NENF: variants seen among roughly 807,000 people sequenced by gnomAD.
NENF encodes the protein neudesin.
NENF carries 6 observed loss-of-function variants against 14.8 expected under a neutral mutation model. That is an observed-to-expected ratio of 0.40 (90% CI 0.22 to 0.80). The LOEUF is 0.80. Among genes scored for constraint, NENF ranks in the 30% least tolerant of loss-of-function variants. The pLI is 0.34. For synonymous variants in NENF, 76 were observed against 95.1 expected (o/e 0.80, Z 1.17); for missense variants, 184 against 212.7 (o/e 0.87, Z 0.84).
intron 2 of NENF, among the ~76,000 whole-genome samples, chr1:212,443,018 G>T (rs559410264): frequency 3.7e-4 from 57 of 152,268 alleles, no homozygotes; most frequent in Non-Finnish European, 5.3e-4. Context: ...TAGTATTACA[G>T]GTGTGAGCCA....
At chr1:212,441,935 A>T (rs531978452) in intron 1 of NENF, among the ~76,000 whole-genome samples, 108 of 152,370 alleles carry the variant, frequency 7.1e-4, no homozygotes, top group Non-Finnish European at 1.3e-3. Flanking sequence ...GATGAAGAGG[A>T]AAGGAAATTT....
chr1:212,441,583 G>A (rs563013956), intron 1 of NENF, among the ~76,000 whole-genome samples: 2 of 152,168 alleles, frequency 1.3e-5, no homozygotes, highest in East Asian at 1.9e-4. Context: ...TCAGGAGTTC[G>A]AGACCAGCCT....
intron 1 of NENF, among the ~76,000 whole-genome samples, chr1:212,440,217 A>C (rs919626933): frequency 7.3e-6 from 1 of 137,618 alleles, no homozygotes; most frequent in African/African-American, 2.8e-5. Flanking sequence ...GTACCACTGC[A>C]CTCCAGTCTG....
At position 212,446,198 on chromosome 1, in the gene NENF, G is replaced by A; in HGVS notation, c.*192G>A. 1 of 585,016 alleles carries A rather than the reference G, an allele frequency of 1.7e-6. No individual in the cohort carries two copies. The highest frequency in any genetic ancestry group is 2.9e-5 in the East Asian group (1 of 34,986). The allele number at this position is 585,016 out of a possible 1,614,324, so 36.2% of individuals were successfully genotyped here. On this transcript the variant is annotated 3_prime_UTR_variant, in exon 4 of 4. Transcript: ENST00000366988. ...TCTGTCTACCTGGGGACCCCTGTCT[G>A]CACACCAGGGATCAATAAGAGCCAA... is the stretch of plus-strand genomic sequence containing the variant.
In NENF at chr1:212,444,308, G is replaced by C. The variant is rs201049372; in HGVS notation, c.239-31G>C. 3.4e-6 allele frequency: 5 copies of C among 1,491,232 alleles called. No individual in the cohort carries two copies. In the African/African-American group the frequency reaches 7.0e-5, roughly 21 times the overall value. The allele number at this position is 1,491,232 out of a possible 1,614,324, so 92.4% of individuals were successfully genotyped here. On this transcript the variant is annotated intron_variant, in intron 2 of 3. Transcript: ENST00000366988. ...CTGGTTACTCTGCATGTAAACCCAC[G>C]CTTACGTCTCTTCCTTCCTTCCCAC...
chr1:212,445,730 A>G, intron 3 of NENF, 100 bp from the exon 4 acceptor site: 2 of 1,066,658 alleles, frequency 1.9e-6, no homozygotes, highest in Admixed American at 2.3e-5. Context: ...TTTCTCTTGC[A>G]TTAGGGATGT....
chr1:212,446,298 T>A lies in NENF; in HGVS notation c.*292T>A, dbSNP rs1336073327. On this transcript the variant is annotated 3_prime_UTR_variant, in exon 4 of 4. Transcript: ENST00000366988. ...TTGAGCGACCTTTACTTTATACTTT[T>A]CTGTGCTTGACAGATTTTCAGCCAT... The A allele has an allele frequency of 3.1e-6, 1 of 324,412 alleles. No individual in the cohort carries two copies. The highest frequency in any genetic ancestry group is 5.6e-6 in the Non-Finnish European group (1 of 177,250). 20.1% of individuals were successfully genotyped at this position (324,412 alleles called of 1,614,324 possible).
intron 1 of NENF, among the ~76,000 whole-genome samples, chr1:212,439,378 C>CA (rs34201751): frequency 0.38 from 50,982 of 135,626 alleles, 9,510 homozygotes; most frequent in East Asian, 0.54. Flanking sequence ...ACTAAAAATA[C>CA]AAAAAAAAAA....
intron 1 of NENF, among the ~76,000 whole-genome samples, chr1:212,439,312 C>G (rs1662662073): frequency 6.6e-6 from 1 of 151,590 alleles, no homozygotes; most frequent in African/African-American, 2.4e-5. Flanking sequence ...GCGGGTAGAT[C>G]ACCTCACGTT....
At chr1:212,443,541 C>T (rs576060877) in intron 2 of NENF, among the ~76,000 whole-genome samples, 70 of 152,050 alleles carry the variant, frequency 4.6e-4, no homozygotes, top group African/African-American at 1.4e-3. Flanking sequence ...TACAGGTGCA[C>T]GCCACCATGC....
At chr1:212,444,191 A>G in intron 2 of NENF, 148 bp from the exon 3 acceptor site, 1 of 452,930 alleles carries the variant, frequency 2.2e-6, no homozygotes, top group Non-Finnish European at 3.9e-6. Flanking sequence ...GGCTTACTGG[A>G]CTTTGTATCG....
chr1:212,444,356 GC>G lies in NENF; in HGVS notation c.261del (p.Tyr88ThrfsTer4). The G allele has an allele frequency of 6.2e-7, 1 of 1,602,996 alleles. No homozygotes were observed. Among genetic ancestry groups the G allele is most frequent in the Non-Finnish European group, 8.5e-7 (1 of 1,173,592 alleles). On this transcript the variant is annotated frameshift_variant, in exon 3 of 4. Coordinates refer to ENST00000366988, the MANE Select transcript of NENF (RefSeq NM_013349.5). LOFTEE classifies it high-confidence loss of function. ...CACTACAGAGTTTTATGGACGAGGA[GC>G]CCCCTACAATGCCTTGACGGGGAAG... ...TSGKEFYGRG[A>X]PYNALTGKDS...
Position 212,433,086 on chromosome 1 carries a change from C to T in NENF, c.143C>T (p.Thr48Ile). 1 of 1,197,396 alleles carries T rather than the reference C, an allele frequency of 8.4e-7. No homozygotes were observed. Among genetic ancestry groups the T allele is most frequent in the Non-Finnish European group, 1.0e-6 (1 of 965,280 alleles). 74.2% of individuals were successfully genotyped at this position (1,197,396 alleles called of 1,614,324 possible). The change falls in exon 1 of 4, where the codon ACC (threonine) becomes ATC (isoleucine). Residue 48 changes from threonine to isoleucine, a missense_variant. Transcript: ENST00000366988. The surrounding 1 kb of genome is among the most constrained non-coding windows in gnomAD (Gnocchi z 5.5). ...CGGGGGCCCCCAGTGCGGCTTTTCACCGAGGAGGAGCTGGCCCGCTATGGC... is the reference window on the plus strand; with the variant it reads ...CGGGGGCCCCCAGTGCGGCTTTTCATCGAGGAGGAGCTGGCCCGCTATGGC... The part of the protein sequence containing the change: ...AERGPPVRLF[T>I]EEELARYGGE...
chr1:212,446,151 C>A lies in NENF; in HGVS notation c.*145C>A. 1.3e-6 allele frequency: 1 copy of A among 764,010 alleles called. No homozygotes were observed. Among genetic ancestry groups the A allele is most frequent in the East Asian group, 2.7e-5 (1 of 36,922 alleles). The allele number at this position is 764,010 out of a possible 1,614,324, so 47.3% of individuals were successfully genotyped here. On this transcript the variant is annotated 3_prime_UTR_variant, in exon 4 of 4. Coordinates refer to ENST00000366988, the MANE Select transcript of NENF (RefSeq NM_013349.5). ...GCTTACCCTGGAAGAGCAAATGCCTCCTGTTGTCCTTGGTCAGGGGTTCTG... is the reference window on the plus strand; with the variant it reads ...GCTTACCCTGGAAGAGCAAATGCCTACTGTTGTCCTTGGTCAGGGGTTCTG...
In NENF at chr1:212,438,818, T is replaced by C. The variant is rs571515689; in HGVS notation, c.178-3747T>C. The stretch of plus-strand genomic sequence containing the variant: ...TTTTAGTAGAGACAGGTTTTCACCA[T>C]GTTGGCCAGGCTGGTCTCAAACTCC... On this transcript the variant is annotated intron_variant, in intron 1 of 3. Coordinates refer to ENST00000366988, the MANE Select transcript of NENF (RefSeq NM_013349.5). Among the ~76,000 whole-genome samples, 4 of 152,206 alleles carry C rather than the reference T, an allele frequency of 2.6e-5. No homozygotes were observed. In the South Asian group the frequency reaches 8.3e-4, roughly 32 times the overall value.
At chr1:212,435,304 C>T (rs567396618) in intron 1 of NENF, among the ~76,000 whole-genome samples, 5 of 152,274 alleles carry the variant, frequency 3.3e-5, no homozygotes, top group South Asian at 4.1e-4. Flanking sequence ...CACAGGAGTT[C>T]GGGGTACTGA....
chr1:212,444,520 T>C (rs1662748142), intron 3 of NENF, 78 bp downstream of exon 3: 2 of 41,448 alleles, frequency 4.8e-5, no homozygotes, highest in Non-Finnish European at 9.4e-5. Flanking sequence ...TTTCTTTTCG[T>C]GTGTGTGTGT....
In NENF at chr1:212,446,290, T is replaced by C. The variant is rs1207362182; in HGVS notation, c.*284T>C. 16 of 351,424 alleles carry C rather than the reference T, an allele frequency of 4.6e-5. No individual in the cohort carries two copies. Among genetic ancestry groups the C allele is most frequent in the Non-Finnish European group, 6.2e-5 (12 of 193,718 alleles). 21.8% of individuals were successfully genotyped at this position (351,424 alleles called of 1,614,324 possible). On this transcript the variant is annotated 3_prime_UTR_variant, in exon 4 of 4. Coordinates refer to ENST00000366988, the MANE Select transcript of NENF (RefSeq NM_013349.5). ...GTGGAATTTTGAGCGACCTTTACTT[T>C]ATACTTTTCTGTGCTTGACAGATTT... is the stretch of plus-strand genomic sequence containing the variant.
intron 1 of NENF, among the ~76,000 whole-genome samples, chr1:212,441,207 G>T (rs1269252955): frequency 6.6e-6 from 1 of 152,184 alleles, no homozygotes; most frequent in African/African-American, 2.4e-5. Context: ...CACTATAAAT[G>T]TTGTTACAGG....
Sources: gnomAD v4.1 joint callset for allele counts (sites outside exome capture counted in the v4.1 genomes callset) on GRCh38, gnomAD v4.1.1 for gene constraint, Gnocchi (gnomAD v3.1) non-coding constraint, MANE v1.5 for transcripts, NCBI Gene and HGNC (gene_info 2026-07-23, HGNC 2026-07-21) for gene names.